Variants in SCML4 observed in about 807,000 individuals in gnomAD.
SCML4 encodes the protein sex comb on midleg-like protein 4.
In SCML4, 34 loss-of-function variants were observed where a neutral mutation model predicts 41.1. That is an observed-to-expected ratio of 0.83 (90% CI 0.63 to 1.10). SCML4 has a LOEUF of 1.10. Ranked by LOEUF, SCML4 falls within the 50% of genes least tolerant of loss-of-function variation. The probability of loss-of-function intolerance (pLI) is 0.00; values close to 1 mark genes in which losing one functional copy is unlikely to be tolerated. For synonymous variants in SCML4, 214 were observed against 220.9 expected (o/e 0.97, Z 0.28); for missense variants, 522 against 534.1 (o/e 0.98, Z 0.22).
intron 5 of SCML4, among the ~76,000 whole-genome samples, chr6:107,738,583 T>A (rs1042978255): frequency 6.6e-6 from 1 of 151,900 alleles, no homozygotes; most frequent in Non-Finnish European, 1.5e-5. Flanking sequence ...TTCGTACCAC[T>A]GCACTCCAGC....
chr6:107,772,750 C>A (rs1019025368), intron 1 of SCML4, among the ~76,000 whole-genome samples: 1 of 152,142 alleles, frequency 6.6e-6, no homozygotes, highest in Non-Finnish European at 1.5e-5. Context: ...ACTGTTGTAA[C>A]AATAATATTA....
At chr6:107,705,391 AGGTTAAGGTGT>A in intron 7 of SCML4, 66 bp from the exon 8 acceptor site, 1 of 1,487,994 alleles carries the variant, frequency 6.7e-7, no homozygotes, top group Non-Finnish European at 9.1e-7. Flanking sequence ...ACAGTGGCTA[AGGTTAAGGTGT>A]GGTCAAGGGG....
chr6:107,725,681 G>T (rs765365499), intron 5 of SCML4, among the ~76,000 whole-genome samples: 6 of 152,080 alleles, frequency 3.9e-5, no homozygotes. Context: ...AAACATATGG[G>T]GTAAATGTTT....
At chr6:107,818,049 A>G (rs4333456) in intron 1 of SCML4, among the ~76,000 whole-genome samples, 150,597 of 152,348 alleles carry the variant, frequency 0.99, 74,457 homozygotes, top group Middle Eastern at 1. Flanking sequence ...CACACCGTGG[A>G]TGGTGATTTC....
chr6:107,766,765 T>G (rs1381913846), intron 2 of SCML4, among the ~76,000 whole-genome samples: 1 of 152,078 alleles, frequency 6.6e-6, no homozygotes, highest in Non-Finnish European at 1.5e-5. Flanking sequence ...GGGGATACAG[T>G]CCCTACCCTA....
chr6:107,705,135 TG>T lies in SCML4; in HGVS notation c.*64del. 1.4e-6 allele frequency: 2 copies of T among 1,420,018 alleles called. No individual in the cohort carries two copies. Among genetic ancestry groups the T allele is most frequent in the Non-Finnish European group, 1.9e-6 (2 of 1,027,560 alleles). 88.0% of individuals were successfully genotyped at this position (1,420,018 alleles called of 1,614,324 possible). ...CTAGTTTGTGATGTTGGCGGGATAT[TG>T]GTAAGGCAGAAGATAATCTTGGGAT... On this transcript the variant is annotated 3_prime_UTR_variant, in exon 8 of 8. Transcript: ENST00000369020.
intron 1 of SCML4, among the ~76,000 whole-genome samples, chr6:107,798,188 T>C (rs1347262669): frequency 1.3e-5 from 2 of 152,016 alleles, no homozygotes; most frequent in East Asian, 1.9e-4. Context: ...TCAAAGAGCA[T>C]ATATAAGATA....
intron 1 of SCML4, among the ~76,000 whole-genome samples, chr6:107,785,338 C>T (rs1241957659): frequency 6.6e-6 from 1 of 152,180 alleles, no homozygotes; most frequent in Non-Finnish European, 1.5e-5. Flanking sequence ...AAGGTGACTG[C>T]GATCCGAGTG....
intron 1 of SCML4, among the ~76,000 whole-genome samples, chr6:107,775,480 C>T (rs1318869865): frequency 1.3e-5 from 2 of 152,174 alleles, no homozygotes; most frequent in Non-Finnish European, 2.9e-5. Context: ...GCATCTGTGA[C>T]GCCAGGGCCG....
At chr6:107,723,594 G>A (rs1274552605) in intron 5 of SCML4, among the ~76,000 whole-genome samples, 3 of 152,068 alleles carry the variant, frequency 2.0e-5, no homozygotes, top group Non-Finnish European at 4.4e-5. Flanking sequence ...TACTAAAACT[G>A]ACTTAAGAAG....
chr6:107,797,935 A>T (rs564616282), intron 1 of SCML4, among the ~76,000 whole-genome samples: 1 of 152,162 alleles, frequency 6.6e-6, no homozygotes, highest in South Asian at 2.1e-4. Context: ...ATGGATTTAG[A>T]ATGCTAAACA....
the SCML4 span, among the ~76,000 whole-genome samples, chr6:107,838,935 G>T: frequency 1.4e-5 from 2 of 145,068 alleles, no homozygotes; most frequent in African/African-American, 2.5e-5. Context: ...CTCTTCCAAA[G>T]TAGAAAGTTA....
the SCML4 span, among the ~76,000 whole-genome samples, chr6:107,834,178 A>G: frequency 6.6e-6 from 1 of 152,152 alleles, no homozygotes; most frequent in Non-Finnish European, 1.5e-5. Context: ...GAACCCAGAA[A>G]GTCTCTTAAA....
At chr6:107,743,855 C>T (rs547299723) in intron 5 of SCML4, 1 of 152,338 alleles carries the variant, frequency 6.6e-6, no homozygotes, top group Admixed American at 6.5e-5. Context: ...TTATCCTTCC[C>T]TGCTGTCCTC....
the SCML4 span, among the ~76,000 whole-genome samples, chr6:107,843,760 C>G: frequency 6.6e-6 from 1 of 152,146 alleles, no homozygotes; most frequent in African/African-American, 2.4e-5. Flanking sequence ...ATAACCCACC[C>G]AAACTTCCAG....
At chr6:107,777,692 C>T (rs1781066160) in intron 1 of SCML4, among the ~76,000 whole-genome samples, 1 of 152,112 alleles carries the variant, frequency 6.6e-6, no homozygotes, top group South Asian at 2.1e-4. Context: ...CTAAGAAGCA[C>T]ATCTATAAAC....
chr6:107,711,665 G>A (rs888975081), intron 6 of SCML4, among the ~76,000 whole-genome samples: 1 of 152,060 alleles, frequency 6.6e-6, no homozygotes, highest in Non-Finnish European at 1.5e-5. Context: ...ACACAGTCTC[G>A]GTAACTTATA....
At chr6:107,738,534 T>C (rs1777291753) in intron 5 of SCML4, among the ~76,000 whole-genome samples, 2 of 151,906 alleles carry the variant, frequency 1.3e-5, no homozygotes, top group African/African-American at 4.8e-5. Flanking sequence ...GGCTGGAGAA[T>C]TGCTCGAATC....
At chr6:107,730,692 T>A (rs941231008) in intron 5 of SCML4, among the ~76,000 whole-genome samples, 1 of 152,200 alleles carries the variant, frequency 6.6e-6, no homozygotes, top group African/African-American at 2.4e-5. Flanking sequence ...AGGTTTGGCG[T>A]CCTGGGAGCT....
Sources: gnomAD v4.1 joint callset for allele counts (sites outside exome capture counted in the v4.1 genomes callset) on GRCh38, gnomAD v4.1.1 for gene constraint, MANE v1.5 for transcripts, NCBI Gene and HGNC (gene_info 2026-07-23, HGNC 2026-07-21) for gene names.